The following POLA1 variants were observed in gnomAD, a reference collection of about 807,000 sequenced individuals.
POLA1 encodes the protein DNA polymerase alpha catalytic subunit.
POLA1 carries 15 observed loss-of-function variants against 124.0 expected under a neutral mutation model. That is an observed-to-expected ratio of 0.12 (90% CI 0.08 to 0.19). The LOEUF is 0.19. Ranked by LOEUF, POLA1 falls within the 10% of genes least tolerant of loss-of-function variation. POLA1 has a pLI of 1.00. For synonymous variants in POLA1, 408 were observed against 389.4 expected (o/e 1.05, Z -0.56); for missense variants, 886 against 1,103.4 (o/e 0.80, Z 2.79).
chrX:24,976,408 A>C (rs2048364488), intron 36 of POLA1, among the ~76,000 whole-genome samples: 1 of 112,367 alleles, frequency 8.9e-6, no homozygotes, highest in Non-Finnish European at 1.9e-5. Flanking sequence ...GAACACTCCC[A>C]GTTTTCAAAA....
At chrX:24,703,585 G>A in intron 3 of POLA1, among the ~76,000 whole-genome samples, 1 of 112,186 alleles carries the variant, frequency 8.9e-6, no homozygotes, top group Non-Finnish European at 1.9e-5. Context: ...TCAGGATGTA[G>A]TATAAATCCT....
intron 26 of POLA1, among the ~76,000 whole-genome samples, chrX:24,765,963 G>C (rs1217534419): frequency 9.0e-6 from 1 of 111,635 alleles, no homozygotes; most frequent in East Asian, 2.8e-4. Context: ...TCATTTTTCA[G>C]TTTGCAACTT....
chrX:24,836,028 A>G (rs1460178907), intron 32 of POLA1, among the ~76,000 whole-genome samples: 1 of 111,741 alleles, frequency 8.9e-6, no homozygotes, highest in Admixed American at 9.6e-5. Context: ...GTACATTACT[A>G]CATTCCCAGA....
intron 35 of POLA1, among the ~76,000 whole-genome samples, chrX:24,921,435 CA>C (rs1297476309): frequency 8.9e-6 from 1 of 111,957 alleles, no homozygotes; most frequent in Admixed American, 9.4e-5. Flanking sequence ...TGGAAATATC[CA>C]CATTTAACTG....
intron 34 of POLA1, among the ~76,000 whole-genome samples, chrX:24,870,339 C>T (rs2046848685): frequency 8.9e-6 from 1 of 111,991 alleles, no homozygotes; most frequent in African/African-American, 3.2e-5. Flanking sequence ...GACCAGTTAG[C>T]GCAATATCTT....
At chrX:24,877,683 A>G (rs1454098629) in intron 34 of POLA1, among the ~76,000 whole-genome samples, 1 of 112,109 alleles carries the variant, frequency 8.9e-6, no homozygotes, top group African/African-American at 3.2e-5. Context: ...TTTTTTCTGA[A>G]GAGAAATTTT....
chrX:24,930,536 C>G lies in POLA1; in HGVS notation c.4248C>G (p.Thr1416=). ...AGTGTGCACTGGAGAAACTTACTAC[C>G]GATCATGAGAAAGGTACGTTAAAAT... ...DAECALEKLT[T]DHEKDKLKKQ... Residue 1416 remains threonine (T), a synonymous_variant, in exon 36 of 37, where the codon ACC becomes ACG. Coordinates refer to ENST00000379068, the MANE Select transcript of POLA1 (RefSeq NM_001330360.2). 1 of 1,151,560 alleles carries G rather than the reference C, an allele frequency of 8.7e-7. No individual in the cohort carries two copies. The highest frequency in any genetic ancestry group is 1.2e-6 in the Non-Finnish European group (1 of 840,630). The allele number at this position is 1,151,560 out of a possible 1,213,427, so 94.9% of individuals were successfully genotyped here.
At position 24,739,342 on chromosome X, in the gene POLA1, T is replaced by C. The variant is rs1602310802; in HGVS notation, c.2041-33T>C. ...AGAAATGTTCTCAGTGTCTGCTCTT[T>C]CATGAAGTTTGCTTTTTGTTCCCAT... On this transcript the variant is annotated intron_variant, in intron 19 of 36. Coordinates refer to ENST00000379068, the MANE Select transcript of POLA1 (RefSeq NM_001330360.2). The C allele has an allele frequency of 1.6e-5, 17 of 1,082,053 alleles. No homozygotes were observed. In the East Asian group the frequency reaches 5.0e-4, roughly 32 times the overall value. The allele number at this position is 1,082,053 out of a possible 1,213,427, so 89.2% of individuals were successfully genotyped here.
chrX:24,748,554 A>G (rs1388991042), intron 25 of POLA1, 94 bp downstream of exon 25: 12 of 762,945 alleles, frequency 1.6e-5, no homozygotes, highest in Non-Finnish European at 2.1e-5. Flanking sequence ...AATTGCAGGT[A>G]CTTATTTTAA....
At chrX:24,930,095 C>T (rs1417989138) in intron 35 of POLA1, among the ~76,000 whole-genome samples, 1 of 112,036 alleles carries the variant, frequency 8.9e-6, no homozygotes, top group Non-Finnish European at 1.9e-5. Context: ...CTAGCATGGA[C>T]AGGGCCCAGT....
intron 34 of POLA1, 76 bp from the exon 35 acceptor site, chrX:24,887,930 A>G (rs2047085927): frequency 1.6e-6 from 1 of 609,380 alleles, no homozygotes; most frequent in Admixed American, 2.3e-5. Context: ...AAATGAGTCT[A>G]TCTTGATAAC....
intron 34 of POLA1, among the ~76,000 whole-genome samples, chrX:24,861,377 C>G (rs2046714122): frequency 8.9e-6 from 1 of 112,806 alleles, no homozygotes; most frequent in African/African-American, 3.2e-5. Context: ...AGTGATCTGC[C>G]TGCCTCAGCT....
intron 36 of POLA1, among the ~76,000 whole-genome samples, chrX:24,976,641 G>T (rs1481581286): frequency 2.7e-5 from 3 of 112,194 alleles, no homozygotes; most frequent in Non-Finnish European, 3.8e-5. Flanking sequence ...AAAGGACATG[G>T]GATGAGTGGG....
chrX:24,828,017 A>G, intron 32 of POLA1, among the ~76,000 whole-genome samples: 1 of 112,057 alleles, frequency 8.9e-6, no homozygotes, highest in South Asian at 3.8e-4. Flanking sequence ...CTACCCCGTC[A>G]ATGTTTACTC....
chrX:24,751,413 A>G (rs1486958282), intron 26 of POLA1, among the ~76,000 whole-genome samples: 3 of 112,199 alleles, frequency 2.7e-5, no homozygotes, highest in Non-Finnish European at 5.6e-5. Context: ...TAATAAATGA[A>G]CTATAAAAAA....
chrX:24,858,217 G>A (rs1185034821), intron 34 of POLA1, among the ~76,000 whole-genome samples: 2 of 112,041 alleles, frequency 1.8e-5, no homozygotes, highest in African/African-American at 6.5e-5. Context: ...TTGACAAATA[G>A]TGGATCATTA....
intron 26 of POLA1, among the ~76,000 whole-genome samples, chrX:24,759,723 A>T (rs908825017): frequency 8.9e-6 from 1 of 112,202 alleles, no homozygotes; most frequent in Non-Finnish European, 1.9e-5. Flanking sequence ...GGATGAGAAG[A>T]TAAATGCTAT....
chrX:24,693,982 C>T lies in POLA1; in HGVS notation c.21C>T (p.Asp7=), dbSNP rs760997065. The T allele has an allele frequency of 5.4e-5, 64 of 1,192,825 alleles. No individual in the cohort carries two copies. The highest frequency in any genetic ancestry group is 2.3e-4 in the Middle Eastern group (1 of 4,348). The part of the protein sequence containing the change: MAPVHG[D]DCEIGASALS... ...GGACCATGGCACCTGTGCACGGCGA[C>T]GACTGTGAGATAGGGGCGAGTGGTG... is the stretch of plus-strand genomic sequence containing the variant. Residue 7 remains aspartate (D), a synonymous_variant, in exon 1 of 37, where the codon GAC becomes GAT. Coordinates refer to ENST00000379068, the MANE Select transcript of POLA1 (RefSeq NM_001330360.2).
In POLA1 at chrX:24,788,703, G is replaced by A; in HGVS notation, c.2965-21195G>A. On this transcript the variant is annotated intron_variant, in intron 26 of 36. Transcript: ENST00000379068. The stretch of plus-strand genomic sequence containing the variant: ...GCTTTCTTTGATTCATATTGTGCAA[G>A]ACGTTCTTCCCTTAGCCTCTTTGCT... 3.3e-6 allele frequency: 4 copies of A among 1,204,980 alleles called. 1 individual carries two copies. The highest frequency in any genetic ancestry group is 3.5e-5 in the South Asian group (2 of 56,813).
Sources: gnomAD v4.1 joint callset for allele counts (sites outside exome capture counted in the v4.1 genomes callset) on GRCh38, gnomAD v4.1.1 for gene constraint, MANE v1.5 for transcripts, NCBI Gene and HGNC (gene_info 2026-07-23, HGNC 2026-07-21) for gene names.